The following MYO3B variants were observed in gnomAD, a reference collection of about 807,000 sequenced individuals.
MYO3B encodes myosin-IIIb.
MYO3B carries 156 observed loss-of-function variants against 174.6 expected under a neutral mutation model. The ratio of observed to expected loss-of-function variants is 0.89; its 90% CI spans 0.78 to 1.02. The LOEUF (loss-of-function observed/expected upper bound fraction) is 1.02, where lower values mean the gene tolerates loss of function less well. Among genes scored for constraint, MYO3B ranks in the 50% least tolerant of loss-of-function variants. MYO3B has a pLI of 0.00. For synonymous variants in MYO3B, 563 were observed against 569.1 expected, an observed-to-expected ratio of 0.99 and a Z score of 0.15; for missense variants, 1,632 against 1,639.4, an observed-to-expected ratio of 1.00 and a Z score of 0.08.
At chr2:170,535,656 C>T (rs932382526) in intron 30 of MYO3B, among the ~76,000 whole-genome samples, 8 of 152,172 alleles carry the variant, frequency 5.3e-5, no homozygotes. Flanking sequence ...GCTTGGGTTT[C>T]CTGGTCTGTG....
chr2:170,642,783 G>A (rs1184047988), intron 32 of MYO3B, among the ~76,000 whole-genome samples: 1 of 152,084 alleles, frequency 6.6e-6, no homozygotes, highest in Non-Finnish European at 1.5e-5. Context: ...GGAAATCTGA[G>A]CTACCAGGGC....
chr2:170,333,556 C>T (rs1171180946), intron 7 of MYO3B, among the ~76,000 whole-genome samples: 1 of 152,126 alleles, frequency 6.6e-6, no homozygotes, highest in East Asian at 1.9e-4. Context: ...TTATCCTTCC[C>T]CCCTGCTCTC....
At chr2:170,607,093 A>T (rs1029322271) in intron 32 of MYO3B, among the ~76,000 whole-genome samples, 2 of 152,232 alleles carry the variant, frequency 1.3e-5, no homozygotes, top group Admixed American at 1.3e-4. Flanking sequence ...AGTAATTATC[A>T]TCTGGGAGGA....
intron 32 of MYO3B, among the ~76,000 whole-genome samples, chr2:170,568,444 G>A (rs138017375): frequency 1.3e-4 from 20 of 152,312 alleles, no homozygotes; most frequent in Non-Finnish European, 2.4e-4. Context: ...AGGAGTGAAG[G>A]CATATGGAGC....
chr2:170,401,743 C>T (rs1250985702), intron 18 of MYO3B, 52 bp downstream of exon 18: 22 of 1,530,780 alleles, frequency 1.4e-5, no homozygotes, highest in Middle Eastern at 1.7e-4. Context: ...TTGACCCCGC[C>T]GTCTCTTAGA....
intron 32 of MYO3B, among the ~76,000 whole-genome samples, chr2:170,649,103 A>G (rs1436717902): frequency 4.1e-5 from 3 of 73,984 alleles, no homozygotes; most frequent in East Asian, 7.6e-4. Flanking sequence ...AATGTATATT[A>G]TATATAAAAT....
Position 170,401,601 on chromosome 2 carries a change from G to A in MYO3B, c.2039G>A (p.Arg680Gln), listed in dbSNP as rs367922750. The part of the protein sequence containing the change: ...ANTVDRAADV[R>Q]DAMSKALYGR... ...ACTGTAGACAGGGCTGCGGACGTTCGAGACGCCATGTCCAAAGCCCTGTAT... is the reference window on the plus strand; with the variant it reads ...ACTGTAGACAGGGCTGCGGACGTTCAAGACGCCATGTCCAAAGCCCTGTAT... Residue 680 changes from arginine to glutamine, a missense_variant, in exon 18 of 35, where the codon CGA (arginine) becomes CAA (glutamine). Physicochemically the swap from Arg to Gln is conservative, Grantham distance 43 (BLOSUM62 1). Coordinates refer to ENST00000408978, the MANE Select transcript of MYO3B (RefSeq NM_138995.5). The A allele has an allele frequency of 6.2e-6, 10 of 1,613,916 alleles. No homozygotes were observed. Among genetic ancestry groups the A allele is most frequent in the East Asian group, 2.2e-5 (1 of 44,874 alleles).
At chr2:170,519,166 A>G (rs1688500474) in intron 29 of MYO3B, among the ~76,000 whole-genome samples, 3 of 152,054 alleles carry the variant, frequency 2.0e-5, no homozygotes, top group Non-Finnish European at 2.9e-5. Context: ...GGGGCCTCTA[A>G]TCTGTGCACT....
chr2:170,496,381 T>C (rs1390470978), intron 25 of MYO3B, among the ~76,000 whole-genome samples: 1 of 152,120 alleles, frequency 6.6e-6, no homozygotes, highest in Non-Finnish European at 1.5e-5. Context: ...AACAGCTCTA[T>C]ATTTAAAAGT....
At chr2:170,607,141 TCA>T (rs1385437662) in intron 32 of MYO3B, among the ~76,000 whole-genome samples, 2 of 152,224 alleles carry the variant, frequency 1.3e-5, no homozygotes, top group African/African-American at 4.8e-5. Context: ...TCCTATTTTC[TCA>T]GTTATAATAA....
At chr2:170,274,016 T>C (rs988526328) in intron 7 of MYO3B, among the ~76,000 whole-genome samples, 4 of 151,990 alleles carry the variant, frequency 2.6e-5, no homozygotes, top group Non-Finnish European at 5.9e-5. Flanking sequence ...GTGTATGAGC[T>C]GAAAAGTTGG....
At chr2:170,351,670 C>T (rs1013284050) in intron 8 of MYO3B, among the ~76,000 whole-genome samples, 4 of 152,102 alleles carry the variant, frequency 2.6e-5, no homozygotes, top group Non-Finnish European at 5.9e-5. Flanking sequence ...TCCTCTTCCT[C>T]CTCACCCTTT....
intron 7 of MYO3B, among the ~76,000 whole-genome samples, chr2:170,310,525 A>G (rs767980299): frequency 4.6e-5 from 7 of 151,988 alleles, no homozygotes; most frequent in Non-Finnish European, 7.4e-5. Context: ...TTAGCTGGGC[A>G]TGTTGGTGGG....
At chr2:170,329,669 C>T (rs2093898002) in intron 7 of MYO3B, among the ~76,000 whole-genome samples, 1 of 151,676 alleles carries the variant, frequency 6.6e-6, no homozygotes, top group Non-Finnish European at 1.5e-5. Context: ...GCTGGGATTA[C>T]AGGGGTGAGC....
chr2:170,412,846 G>A (rs1238532449), intron 22 of MYO3B, among the ~76,000 whole-genome samples: 2 of 152,308 alleles, frequency 1.3e-5, no homozygotes, highest in South Asian at 2.1e-4. Flanking sequence ...TGAAATGGAG[G>A]CTCTGATGAG....
intron 25 of MYO3B, among the ~76,000 whole-genome samples, chr2:170,471,946 G>A (rs1357082054): frequency 4.0e-5 from 6 of 150,838 alleles, no homozygotes; most frequent in East Asian, 1.9e-4. Context: ...AGCCGAGATC[G>A]CGCCATTGCA....
chr2:170,503,358 T>C (rs532721508), intron 28 of MYO3B, among the ~76,000 whole-genome samples: 1 of 152,122 alleles, frequency 6.6e-6, no homozygotes, highest in Non-Finnish European at 1.5e-5. Context: ...AGGATAGTAA[T>C]AATTGTATCT....
At chr2:170,319,935 A>G (rs542905392) in intron 7 of MYO3B, among the ~76,000 whole-genome samples, 115 of 152,314 alleles carry the variant, frequency 7.6e-4, no homozygotes, top group Non-Finnish European at 1.5e-3. Context: ...TATCCTTCAA[A>G]AAAAATGAAG....
Position 170,410,577 on chromosome 2 carries a change from C to T in MYO3B, c.2650+2733C>T, listed in dbSNP as rs1378444419. Among the ~76,000 whole-genome samples the T allele has an allele frequency of 1.8e-4, 19 of 104,600 alleles. 2 individuals are homozygous for T. The Admixed American group carries it at 2.1e-3, about 11-fold the overall frequency. 68.6% of individuals were successfully genotyped at this position (104,600 alleles called of 152,430 possible). A position where few individuals can be genotyped will look rare whatever the true frequency, so the allele number is the denominator to read the frequency against. Reference sequence around the variant, plus strand: ...GCCTGGGAACAGTGCAAGACTCCGTCTCAACAAAAAAAAAGAAAAAAAAAA... The same window carrying T: ...GCCTGGGAACAGTGCAAGACTCCGTTTCAACAAAAAAAAAGAAAAAAAAAA... On this transcript the variant is annotated intron_variant, in intron 22 of 34. Coordinates refer to ENST00000408978, the MANE Select transcript of MYO3B (RefSeq NM_138995.5).
Sources: gnomAD v4.1 joint callset for allele counts (sites outside exome capture counted in the v4.1 genomes callset) on GRCh38, gnomAD v4.1.1 for gene constraint, MANE v1.5 for transcripts, NCBI Gene and HGNC (gene_info 2026-07-23, HGNC 2026-07-21) for gene names.